GALC: variants seen among roughly 807,000 people sequenced by gnomAD.
GALC encodes the protein galactosylceramidase.
Under a neutral mutation model 91.8 loss-of-function variants are expected in GALC, and 77 were observed. The ratio of observed to expected loss-of-function variants is 0.84; its 90% CI spans 0.70 to 1.01. The LOEUF (loss-of-function observed/expected upper bound fraction) is 1.01. GALC is among the 50% of genes least tolerant of loss of function. The probability of loss-of-function intolerance (pLI) is 0.00; values close to 1 mark genes in which losing one functional copy is unlikely to be tolerated. For missense variants in GALC, 882 were observed against 855.9 expected (o/e 1.03, Z -0.38); for synonymous variants, 357 against 306.7 (o/e 1.16, Z -1.71).
intron 7 of GALC, among the ~76,000 whole-genome samples, chr14:87,972,542 A>G (rs561930203): frequency 1.3e-5 from 2 of 152,280 alleles, no homozygotes; most frequent in African/African-American, 2.4e-5. Flanking sequence ...GTACTTTTAT[A>G]TATGTATGTA....
chr14:87,955,081 T>C (rs957816981), intron 10 of GALC: 4 of 1,340,022 alleles, frequency 3.0e-6, no homozygotes, highest in Non-Finnish European at 4.3e-6. Flanking sequence ...CGCAGAACCT[T>C]GTGTATCAAA....
intron 8 of GALC, among the ~76,000 whole-genome samples, chr14:87,967,068 T>C (rs1272098106): frequency 6.6e-6 from 1 of 152,182 alleles, no homozygotes. Context: ...TCTCGGGTGC[T>C]TCTTAAGGCA....
chr14:87,933,858 T>C lies in GALC; in HGVS notation c.*874A>G, dbSNP rs1260672829. 2 of 815,144 alleles carry C rather than the reference T, an allele frequency of 2.5e-6. No homozygotes were observed. The highest frequency in any genetic ancestry group is 3.9e-6 in the Non-Finnish European group (2 of 507,476). 50.5% of individuals were successfully genotyped at this position (815,144 alleles called of 1,614,324 possible). ...CTAAGTGCTCCCCTCCTTCCACACA[T>C]AAGGAGAGAAAAGCATTCATCAGCT... On this transcript the variant is annotated 3_prime_UTR_variant, in exon 17 of 17. Coordinates refer to ENST00000261304, the MANE Select transcript of GALC (RefSeq NM_000153.4).
chr14:87,962,867 C>T (rs1337652218), intron 10 of GALC, among the ~76,000 whole-genome samples: 1 of 152,074 alleles, frequency 6.6e-6, no homozygotes, highest in Admixed American at 6.6e-5. Flanking sequence ...TTTTCACCTT[C>T]ATTCTTTCAT....
chr14:87,975,248 A>T (rs1886446396), intron 7 of GALC, among the ~76,000 whole-genome samples: 1 of 152,122 alleles, frequency 6.6e-6, no homozygotes, highest in Non-Finnish European at 1.5e-5. Context: ...CAAAGTTTGT[A>T]AGACAAACAA....
intron 7 of GALC, among the ~76,000 whole-genome samples, chr14:87,974,003 G>A (rs555294347): frequency 2.0e-5 from 3 of 152,206 alleles, no homozygotes; most frequent in Admixed American, 2.0e-4. Flanking sequence ...CCTTAAATAA[G>A]TGCAAAGTAA....
At chr14:87,945,503 A>G in intron 14 of GALC, 50 bp downstream of exon 14, 1 of 1,321,768 alleles carries the variant, frequency 7.6e-7, no homozygotes. Context: ...GTACCTGACA[A>G]TATTACAAGG....
chr14:87,975,743 T>A lies in GALC; in HGVS notation c.752+615A>T, dbSNP rs528837324. 2.0e-3 allele frequency among the ~76,000 whole-genome samples: 310 copies of A among 151,616 alleles called. 1 individual carries two copies. Among genetic ancestry groups the A allele is most frequent in the African/African-American group, 7.3e-3 (302 of 41,288 alleles). On this transcript the variant is annotated intron_variant, in intron 7 of 16. Transcript: ENST00000261304. ...TCTTCACACTGGATAAAGAACAAAT[T>A]CTACACACATACATACACACACACA...
chr14:87,953,675 T>C, intron 10 of GALC: 2 of 1,608,896 alleles, frequency 1.2e-6, no homozygotes, highest in Non-Finnish European at 1.7e-6. Context: ...CTATCTAGAG[T>C]CCTTCAAGTA....
chr14:87,989,366 G>T (rs962481183), intron 1 of GALC, among the ~76,000 whole-genome samples: 7 of 151,960 alleles, frequency 4.6e-5, no homozygotes, highest in African/African-American at 1.2e-4. Flanking sequence ...TGACATTCTG[G>T]TAAGTGCCCA....
At chr14:87,962,725 G>C (rs1001977669) in intron 10 of GALC, among the ~76,000 whole-genome samples, 1 of 151,870 alleles carries the variant, frequency 6.6e-6, no homozygotes, top group Non-Finnish European at 1.5e-5. Context: ...CTGACTATAT[G>C]CACTTCCTAT....
At chr14:87,936,325 C>T (rs970308481) in intron 16 of GALC, among the ~76,000 whole-genome samples, 1 of 152,014 alleles carries the variant, frequency 6.6e-6, no homozygotes, top group Non-Finnish European at 1.5e-5. Context: ...TTTATTATCT[C>T]AGGATAGGGC....
intron 14 of GALC, among the ~76,000 whole-genome samples, chr14:87,944,119 T>C (rs1884971139): frequency 6.6e-6 from 1 of 151,958 alleles, no homozygotes; most frequent in Admixed American, 6.6e-5. Flanking sequence ...CTGCAATAGA[T>C]CCTAGTAAAA....
At chr14:87,987,955 G>T in intron 3 of GALC, 189 bp downstream of exon 3, 1 of 576,114 alleles carries the variant, frequency 1.7e-6, no homozygotes, top group Non-Finnish European at 3.1e-6. Context: ...TATTGTTTTT[G>T]ATGGACCAGT....
chr14:87,937,319 C>A (rs1365681256), intron 16 of GALC, among the ~76,000 whole-genome samples: 3 of 151,752 alleles, frequency 2.0e-5, no homozygotes, highest in Non-Finnish European at 2.9e-5. Flanking sequence ...CACACACACA[C>A]AAAATGAGAG....
At chr14:87,992,338 G>A (rs1348184769) in intron 1 of GALC, 2 of 1,535,714 alleles carry the variant, frequency 1.3e-6, no homozygotes, top group Non-Finnish European at 1.7e-6. Flanking sequence ...CATGGGCCCA[G>A]AGGGAGTACC....
At chr14:87,940,608 G>C (rs916348266) in intron 15 of GALC, among the ~76,000 whole-genome samples, 1 of 151,914 alleles carries the variant, frequency 6.6e-6, no homozygotes, top group Admixed American at 6.6e-5. Flanking sequence ...TATCACTGAG[G>C]TAAGTTCAGA....
intron 16 of GALC, among the ~76,000 whole-genome samples, chr14:87,937,474 T>C (rs1884628798): frequency 6.6e-6 from 1 of 151,916 alleles, no homozygotes; most frequent in African/African-American, 2.4e-5. Flanking sequence ...ATGCCCATAG[T>C]TGATGAAACA....
chr14:87,974,368 G>C (rs1886410896), intron 7 of GALC, among the ~76,000 whole-genome samples: 1 of 152,102 alleles, frequency 6.6e-6, no homozygotes. Context: ...ATTTTCTAAT[G>C]ATAAGAAATA....
Sources: allele counts gnomAD v4.1 joint callset (sites outside exome capture counted in the v4.1 genomes callset), GRCh38; gene constraint gnomAD v4.1.1; transcripts MANE v1.5; gene names NCBI Gene and HGNC (gene_info 2026-07-23, HGNC 2026-07-21).